The following LDLRAD4 variants were observed in gnomAD, a reference collection of about 807,000 sequenced individuals.
LDLRAD4 encodes low-density lipoprotein receptor class A domain-containing protein 4.
Under a neutral mutation model 17.0 loss-of-function variants are expected in LDLRAD4, and 5 were observed. The observed-to-expected ratio is 0.29, with a 90% CI of 0.15 to 0.62. The LOEUF is 0.62. Among genes scored for constraint, LDLRAD4 ranks in the 20% least tolerant of loss-of-function variants. LDLRAD4 has a pLI of 0.84. For missense variants in LDLRAD4, 340 were observed against 424.7 expected, an observed-to-expected ratio of 0.80 and a Z score of 1.75; for synonymous variants, 168 against 171.8, an observed-to-expected ratio of 0.98 and a Z score of 0.17.
chr18:13,350,950 T>C (rs980387352), intron 1 of LDLRAD4, among the ~76,000 whole-genome samples: 6 of 152,084 alleles, frequency 3.9e-5, no homozygotes, highest in African/African-American at 1.4e-4. Flanking sequence ...AGATGTGTGG[T>C]GTTATTTCTG....
At chr18:13,563,586 A>G (rs965667415) in intron 3 of LDLRAD4, among the ~76,000 whole-genome samples, 6 of 152,244 alleles carry the variant, frequency 3.9e-5, no homozygotes, top group Non-Finnish European at 7.3e-5. Flanking sequence ...AACAGAAAAC[A>G]TACAGGGCAC....
chr18:13,514,824 G>T (rs1213144605), intron 3 of LDLRAD4: 1 of 152,158 alleles, frequency 6.6e-6, no homozygotes, highest in Non-Finnish European at 1.5e-5. Flanking sequence ...AAACATCCTG[G>T]TGCACAGGTG....
At chr18:13,321,636 C>T (rs977316825) in intron 1 of LDLRAD4, among the ~76,000 whole-genome samples, 6 of 151,988 alleles carry the variant, frequency 3.9e-5, no homozygotes, top group South Asian at 2.1e-4. Flanking sequence ...GAGGTCGAGG[C>T]GGGTGGATCA....
At chr18:13,552,374 A>G (rs562147333) in intron 3 of LDLRAD4, among the ~76,000 whole-genome samples, 112 of 152,300 alleles carry the variant, frequency 7.4e-4, no homozygotes, top group African/African-American at 2.5e-3. Flanking sequence ...ACTTCTTTCA[A>G]GGCACTTACG....
intron 3 of LDLRAD4, among the ~76,000 whole-genome samples, chr18:13,482,492 A>C (rs1220511187): frequency 1.3e-5 from 2 of 152,242 alleles, no homozygotes; most frequent in East Asian, 3.8e-4. Context: ...ATTTATTTAC[A>C]AGCATTTGAG....
At chr18:13,316,349 C>T (rs2080933762) in intron 1 of LDLRAD4, among the ~76,000 whole-genome samples, 3 of 152,192 alleles carry the variant, frequency 2.0e-5, no homozygotes, top group Non-Finnish European at 4.4e-5. Flanking sequence ...GAAAGTAACT[C>T]TTTTCCTAGA....
At chr18:13,393,575 A>C (rs1179551548) in intron 2 of LDLRAD4, among the ~76,000 whole-genome samples, 1 of 152,164 alleles carries the variant, frequency 6.6e-6, no homozygotes, top group Non-Finnish European at 1.5e-5. Flanking sequence ...ATATTGACGG[A>C]GCTCTTGCCA....
In LDLRAD4 at chr18:13,632,667, T is replaced by A. The variant is rs190815741; in HGVS notation, c.337-10692T>A. 8.5e-5 allele frequency among the ~76,000 whole-genome samples: 13 copies of A among 152,210 alleles called. No homozygotes were observed. The East Asian group carries it at 2.5e-3, about 29-fold the overall frequency. On this transcript the variant is annotated intron_variant, in intron 4 of 5. Coordinates refer to ENST00000359446, the Ensembl canonical transcript of LDLRAD4. ...TTCTTGTCCCCCACAGTGTGGTGAG[T>A]GGAGGGGCATGTTTCAGCCCTGTTT...
chr18:13,553,841 C>T (rs567499885), intron 3 of LDLRAD4, among the ~76,000 whole-genome samples: 1 of 152,118 alleles, frequency 6.6e-6, no homozygotes, highest in Non-Finnish European at 1.5e-5. Context: ...GCCTTGCGAG[C>T]GTGTCTATGA....
intron 3 of LDLRAD4, among the ~76,000 whole-genome samples, chr18:13,606,752 T>A (rs2095228336): frequency 6.6e-6 from 1 of 152,234 alleles, no homozygotes; most frequent in African/African-American, 2.4e-5. Flanking sequence ...ATGTACTGTT[T>A]CTAAAGGCCA....
chr18:13,437,231 C>T (rs1361906655), intron 2 of LDLRAD4, among the ~76,000 whole-genome samples: 3 of 152,224 alleles, frequency 2.0e-5, no homozygotes, highest in Non-Finnish European at 4.4e-5. Flanking sequence ...GAGGCTGTGA[C>T]AGTCAGTGGC....
chr18:13,590,363 A>G (rs2095004564), intron 3 of LDLRAD4, among the ~76,000 whole-genome samples: 1 of 151,218 alleles, frequency 6.6e-6, no homozygotes, highest in Non-Finnish European at 1.5e-5. Flanking sequence ...GTGTGCGTGT[A>G]TGTGCACGTG....
At chr18:13,581,455 C>T (rs1343887497) in intron 3 of LDLRAD4, among the ~76,000 whole-genome samples, 10 of 152,166 alleles carry the variant, frequency 6.6e-5, no homozygotes, top group Admixed American at 6.5e-4. Flanking sequence ...ATTCTGTTTT[C>T]CCTGGGTAGA....
intron 3 of LDLRAD4, among the ~76,000 whole-genome samples, chr18:13,473,462 G>A (rs948732403): frequency 6.6e-6 from 1 of 151,270 alleles, no homozygotes; most frequent in African/African-American, 2.4e-5. Flanking sequence ...TTAAGGCCAG[G>A]AGTTTGAGTC....
chr18:13,476,663 G>T (rs1016334753), intron 3 of LDLRAD4, among the ~76,000 whole-genome samples: 17 of 151,464 alleles, frequency 1.1e-4, no homozygotes, highest in Non-Finnish European at 2.4e-4. Context: ...TGCAAAAAAT[G>T]GGAAGATGCA....
At chr18:13,298,776 C>G (rs1324999528) in intron 1 of LDLRAD4, among the ~76,000 whole-genome samples, 3 of 152,222 alleles carry the variant, frequency 2.0e-5, no homozygotes, top group Admixed American at 1.3e-4. Context: ...GGCCACTGGC[C>G]TGTGGCAGTC....
At chr18:13,263,285 G>A (rs558913902) in intron 1 of LDLRAD4, among the ~76,000 whole-genome samples, 1 of 148,474 alleles carries the variant, frequency 6.7e-6, no homozygotes, top group African/African-American at 2.5e-5. Flanking sequence ...TCTGTGTGTG[G>A]GGGCTGAGGC....
chr18:13,347,691 C>T (rs147552364), intron 1 of LDLRAD4, among the ~76,000 whole-genome samples: 1,780 of 152,298 alleles, frequency 0.012, 36 homozygotes, highest in African/African-American at 0.04. Flanking sequence ...CCATTCTCCC[C>T]GTCACTTTCA....
rs944248227 is a variant in LDLRAD4, at chr18:13,314,987, A to T, written c.-383+36799A>T. Among the ~76,000 whole-genome samples the T allele has an allele frequency of 2.0e-5, 3 of 152,278 alleles. No homozygotes were observed. The South Asian group carries it at 6.2e-4, about 32-fold the overall frequency. The stretch of plus-strand genomic sequence containing the variant: ...CCTTGGCCTTCCAGAATGCTGGGAT[A>T]ACAGATGAGAATTACCACACCCAGC... On this transcript the variant is annotated intron_variant, in intron 1 of 5. Coordinates refer to ENST00000359446, the Ensembl canonical transcript of LDLRAD4.
Sources: gnomAD v4.1 joint callset for allele counts (sites outside exome capture counted in the v4.1 genomes callset) on GRCh38, gnomAD v4.1.1 for gene constraint, MANE v1.5 for transcripts, NCBI Gene and HGNC (gene_info 2026-07-23, HGNC 2026-07-21) for gene names.